Variants in GRIK4 observed in about 807,000 individuals in gnomAD.
GRIK4 encodes the protein glutamate ionotropic receptor kainate type subunit 4, also known as glutamate receptor ionotropic, kainate 4.
GRIK4 carries 40 observed loss-of-function variants against 104.9 expected under a neutral mutation model. The observed-to-expected ratio is 0.38, with a 90% CI of 0.30 to 0.50. The LOEUF (loss-of-function observed/expected upper bound fraction) is 0.50. Among genes scored for constraint, GRIK4 ranks in the 20% least tolerant of loss-of-function variants. The pLI is 0.93. For missense variants in GRIK4, 1,047 were observed against 1,308.1 expected, an observed-to-expected ratio of 0.80 and a Z score of 3.08; for synonymous variants, 485 against 524.9, an observed-to-expected ratio of 0.92 and a Z score of 1.04.
chr11:120,935,734 T>G (rs1943582242), intron 13 of GRIK4, among the ~76,000 whole-genome samples: 1 of 152,174 alleles, frequency 6.6e-6, no homozygotes, highest in Non-Finnish European at 1.5e-5. Flanking sequence ...ACCACCCCCA[T>G]ACATAACTAA....
rs113826163 is a variant in GRIK4 at position 120,887,585 on chromosome 11, C to G, written c.1165-10947C>G. ...TGTAATTCAATTCAACAGATATTTA[C>G]TGAGTACCCTGTATAGGCCAGGCAC... On this transcript the variant is annotated intron_variant, in intron 11 of 20. Transcript: ENST00000527524. Among the ~76,000 whole-genome samples the G allele has an allele frequency of 4.4e-3, 669 of 152,298 alleles. 2 individuals carry two copies. The highest frequency in any genetic ancestry group is 0.015 in the African/African-American group (636 of 41,550).
intron 1 of GRIK4, among the ~76,000 whole-genome samples, chr11:120,595,619 A>G (rs1388082316): frequency 6.6e-6 from 1 of 152,118 alleles, no homozygotes; most frequent in African/African-American, 2.4e-5. Context: ...GGTGGTTTCT[A>G]GAATGTTCTT....
chr11:120,592,201 C>T (rs1230790389), intron 1 of GRIK4, among the ~76,000 whole-genome samples: 1 of 152,186 alleles, frequency 6.6e-6, no homozygotes, highest in African/African-American at 2.4e-5. Context: ...GCTTTAGGGA[C>T]TGGAAAACTT....
intron 8 of GRIK4, among the ~76,000 whole-genome samples, chr11:120,843,736 G>A (rs1291427839): frequency 1.3e-5 from 2 of 152,148 alleles, no homozygotes; most frequent in Non-Finnish European, 2.9e-5. Flanking sequence ...GGTTGTATTA[G>A]GTGATCTCTA....
chr11:120,681,804 A>G (rs1950197479), intron 3 of GRIK4, among the ~76,000 whole-genome samples: 1 of 152,208 alleles, frequency 6.6e-6, no homozygotes, highest in Admixed American at 6.5e-5. Context: ...AGATGGACAG[A>G]GCCCTGTTGA....
intron 9 of GRIK4, 119 bp downstream of exon 9, chr11:120,862,239 G>A: frequency 1.2e-6 from 1 of 843,142 alleles, no homozygotes. Context: ...TCCAGTCCCA[G>A]CTCAGAAAGG....
chr11:120,782,041 G>C (rs1011301380), intron 3 of GRIK4, among the ~76,000 whole-genome samples: 11 of 152,242 alleles, frequency 7.2e-5, no homozygotes, highest in Middle Eastern at 3.4e-3. Flanking sequence ...CAGCTCAGGT[G>C]GCGCTTCATT....
At position 120,633,535 on chromosome 11, in the gene GRIK4, G is replaced by C. The variant is rs552670217; in HGVS notation, c.-158-20150G>C. Among the ~76,000 whole-genome samples the C allele has an allele frequency of 2.0e-5, 3 of 152,300 alleles. No homozygotes were observed. The East Asian group carries it at 5.8e-4, about 29-fold the overall frequency. On this transcript the variant is annotated intron_variant, in intron 1 of 20. Transcript: ENST00000527524. ...TGTCTGAAGCTAGGCTGCCATATCTGCTATTGATGGTGTTTAATTAGGGAC... is the reference window on the plus strand; with the variant it reads ...TGTCTGAAGCTAGGCTGCCATATCTCCTATTGATGGTGTTTAATTAGGGAC...
intron 3 of GRIK4, among the ~76,000 whole-genome samples, chr11:120,728,017 C>T (rs1951062418): frequency 6.6e-6 from 1 of 151,974 alleles, no homozygotes; most frequent in Admixed American, 6.6e-5. Flanking sequence ...AATTATAATT[C>T]AAAAAGCCTC....
At chr11:120,769,005 T>G (rs151116442) in intron 3 of GRIK4, among the ~76,000 whole-genome samples, 1 of 152,336 alleles carries the variant, frequency 6.6e-6, no homozygotes, top group East Asian at 1.9e-4. Flanking sequence ...AGTTTTCTTT[T>G]CTTGCAGTGT....
chr11:120,834,681 G>C (rs564054897), intron 7 of GRIK4, among the ~76,000 whole-genome samples: 1 of 152,300 alleles, frequency 6.6e-6, no homozygotes, highest in African/African-American at 2.4e-5. Flanking sequence ...CCAGCCCCTA[G>C]AGCTTGGCAA....
chr11:120,888,674 C>A (rs1955188251), intron 11 of GRIK4, among the ~76,000 whole-genome samples: 1 of 152,090 alleles, frequency 6.6e-6, no homozygotes, highest in Non-Finnish European at 1.5e-5. Context: ...CACTTGTACA[C>A]TTCTTGAGCC....
At chr11:120,778,859 A>G in intron 3 of GRIK4, among the ~76,000 whole-genome samples, 1 of 152,214 alleles carries the variant, frequency 6.6e-6, no homozygotes, top group Non-Finnish European at 1.5e-5. Flanking sequence ...GTGCCAGACA[A>G]TAAGGAGGCC....
chr11:120,661,422 G>A (rs1034151030), intron 3 of GRIK4, among the ~76,000 whole-genome samples: 1 of 152,120 alleles, frequency 6.6e-6, no homozygotes, highest in African/African-American at 2.4e-5. Flanking sequence ...ACCACATGAG[G>A]CCCCTCTTCC....
At position 120,745,858 on chromosome 11, in the gene GRIK4, G is replaced by C. The variant is rs1315319832; in HGVS notation, c.83-56835G>C. On this transcript the variant is annotated intron_variant, in intron 3 of 20. Transcript: ENST00000527524. The stretch of plus-strand genomic sequence containing the variant: ...CCACCATCAGTGGGACTTGAGAGGT[G>C]TTCAGGAGGGTAGTGATGAGCCCCT... Among the ~76,000 whole-genome samples, 5 of 152,304 alleles carry C rather than the reference G, an allele frequency of 3.3e-5. No homozygotes were observed. In the East Asian group the frequency reaches 5.8e-4, roughly 18 times the overall value.
At chr11:120,941,049 C>A (rs1943711373) in intron 14 of GRIK4, among the ~76,000 whole-genome samples, 1 of 152,336 alleles carries the variant, frequency 6.6e-6, no homozygotes, top group South Asian at 2.1e-4. Flanking sequence ...AGAGTACAGA[C>A]ACGACCTTCA....
chr11:120,889,430 A>T (rs1318255500), intron 11 of GRIK4, among the ~76,000 whole-genome samples: 1 of 151,994 alleles, frequency 6.6e-6, no homozygotes, highest in African/African-American at 2.4e-5. Context: ...TCAAGAAGCC[A>T]CAAATACATT....
intron 11 of GRIK4, among the ~76,000 whole-genome samples, chr11:120,893,084 A>C (rs1942462739): frequency 6.6e-6 from 1 of 152,228 alleles, no homozygotes; most frequent in Non-Finnish European, 1.5e-5. Context: ...CAGTGTAATA[A>C]CTGGCTTCGT....
chr11:120,747,889 C>G (rs960526439), intron 3 of GRIK4, among the ~76,000 whole-genome samples: 4 of 152,238 alleles, frequency 2.6e-5, no homozygotes, highest in African/African-American at 7.2e-5. Flanking sequence ...CAAGCCTCAC[C>G]CTCTCCAAGT....
Sources: allele counts gnomAD v4.1 joint callset (sites outside exome capture counted in the v4.1 genomes callset), GRCh38; gene constraint gnomAD v4.1.1; transcripts MANE v1.5; gene names NCBI Gene and HGNC (gene_info 2026-07-23, HGNC 2026-07-21).